ACOX2: variants seen among roughly 807,000 people sequenced by gnomAD.
The protein encoded by ACOX2 is acyl-CoA oxidase 2, also known as peroxisomal acyl-coenzyme A oxidase 2.
A neutral mutation model predicts 77.5 loss-of-function variants in ACOX2; 59 were observed. The observed-to-expected ratio is 0.76, with a 90% CI of 0.62 to 0.95. The LOEUF (loss-of-function observed/expected upper bound fraction) is 0.95. Ranked by LOEUF, ACOX2 falls within the 40% of genes least tolerant of loss-of-function variation. The pLI is 0.00. For synonymous variants in ACOX2, 317 were observed against 340.1 expected (o/e 0.93, Z 0.75); for missense variants, 837 against 880.4 (o/e 0.95, Z 0.62).
In ACOX2 at chr3:58,519,486, C is replaced by T. The variant is rs1348434595; in HGVS notation, c.1633-2063G>A. On this transcript the variant is annotated intron_variant, in intron 12 of 14. Coordinates refer to ENST00000302819, the MANE Select transcript of ACOX2 (RefSeq NM_003500.4). The surrounding 1 kb of genome is among the most constrained non-coding windows in gnomAD (Gnocchi z 5.0). ...CAGGGGGAGCTTTATGTGCAAAAGGCTGTACTTTCAGGAAGCTGCAGGCAA... is the reference window on the plus strand; with the variant it reads ...CAGGGGGAGCTTTATGTGCAAAAGGTTGTACTTTCAGGAAGCTGCAGGCAA... Among the ~76,000 whole-genome samples the T allele has an allele frequency of 6.6e-6, 1 of 152,066 alleles. No homozygotes were observed. Among genetic ancestry groups the T allele is most frequent in the Admixed American group, 6.5e-5 (1 of 15,276 alleles).
Position 58,526,698 on chromosome 3 carries a change from T to C in ACOX2, c.1156-42A>G, listed in dbSNP as rs11553928. ...GGGGGTTGGGCGGTGTTAGGGGGCC[T>C]CCACCATAGGGACCAACCCTGTGCA... is the stretch of plus-strand genomic sequence containing the variant. On this transcript the variant is annotated intron_variant, in intron 9 of 14. Transcript: ENST00000302819. This position sits in a 1 kb window ranked among gnomAD's most constrained non-coding sequence, Gnocchi z 4.3. 1.3e-6 allele frequency: 2 copies of C among 1,595,638 alleles called. No homozygotes were observed. Among genetic ancestry groups the C allele is most frequent in the African/African-American group, 1.3e-5 (1 of 74,734 alleles).
intron 13 of ACOX2, among the ~76,000 whole-genome samples, 187 bp from the exon 14 acceptor site, chr3:58,509,212 T>C (rs548948332): frequency 1.3e-5 from 2 of 149,778 alleles, no homozygotes; most frequent in South Asian, 4.2e-4. Context: ...AGTCAAAGGG[T>C]TCCGTAAGGC....
rs544253042 is a variant in ACOX2 at position 58,515,213 on chromosome 3, G to T, written c.1850+1993C>A. 6.6e-6 allele frequency among the ~76,000 whole-genome samples: 1 copy of T among 152,224 alleles called. No homozygotes were observed. Among genetic ancestry groups the T allele is most frequent in the South Asian group, 2.1e-4 (1 of 4,824 alleles). On this transcript the variant is annotated intron_variant, in intron 13 of 14. Coordinates refer to ENST00000302819, the MANE Select transcript of ACOX2 (RefSeq NM_003500.4). The surrounding 1 kb of genome is among the most constrained non-coding windows in gnomAD (Gnocchi z 4.0). Reference sequence around the variant, plus strand: ...TTTTTGTATTTTTAGTAGAGACCGGGTTTCACCATGTTGGCCAGGCTGGCC... The same window carrying T: ...TTTTTGTATTTTTAGTAGAGACCGGTTTTCACCATGTTGGCCAGGCTGGCC...
At position 58,512,897 on chromosome 3, in the gene ACOX2, G is replaced by A. The variant is rs766195022; in HGVS notation, c.1851-3872C>T. Among the ~76,000 whole-genome samples, 7 of 152,218 alleles carry A rather than the reference G, an allele frequency of 4.6e-5. 1 individual carries two copies. Among genetic ancestry groups the A allele is most frequent in the Admixed American group, 3.3e-4 (5 of 15,280 alleles). ...GGCTATACCATTTAGGCTTGTGTAA[G>A]TACACTCTGTGATGTTCACATGATG... On this transcript the variant is annotated intron_variant, in intron 13 of 14. Transcript: ENST00000302819. The surrounding 1 kb of genome is among the most constrained non-coding windows in gnomAD (Gnocchi z 4.8).
In ACOX2 at chr3:58,531,826, G is replaced by C; in HGVS notation, c.584-14C>G. The C allele has an allele frequency of 6.2e-7, 1 of 1,610,294 alleles. No homozygotes were observed. Among genetic ancestry groups the C allele is most frequent in the Non-Finnish European group, 8.5e-7 (1 of 1,178,510 alleles). On this transcript the variant is annotated splice_polypyrimidine_tract_variant and intron_variant, in intron 5 of 14. Coordinates refer to ENST00000302819, the MANE Select transcript of ACOX2 (RefSeq NM_003500.4). This position sits in a 1 kb window ranked among gnomAD's most constrained non-coding sequence, Gnocchi z 5.8. The stretch of plus-strand genomic sequence containing the variant: ...CTGACCGTCCCACTGAGGGCAGAGA[G>C]AGTAGCGGCCCGTCACAGGAAGACC...
In ACOX2 at chr3:58,534,399, C is replaced by T; in HGVS notation, c.284G>A (p.Gly95Asp). 1 of 1,614,200 alleles carries T rather than the reference C, an allele frequency of 6.2e-7. No individual in the cohort carries two copies. The highest frequency in any genetic ancestry group is 8.5e-7 in the Non-Finnish European group (1 of 1,180,030). The change falls in exon 3 of 15, where the codon GGT (glycine) becomes GAT (aspartate). Residue 95 changes from glycine (G) to aspartate (D), a missense_variant. By Grantham distance (94) the Gly-to-Asp change is moderately conservative. Transcript: ENST00000302819. The surrounding 1 kb of genome is among the most constrained non-coding windows in gnomAD (Gnocchi z 4.8). ...FHIRLIARRL[G>D]WLEDGRELGY... ...TAATTCACGACCATCTTCTAACCAA[C>T]CCAGGCGCCGAGCTATCAACCGGAT...
chr3:58,524,507 A>G lies in ACOX2; in HGVS notation c.1445T>C (p.Leu482Pro). The change falls in exon 11 of 15, where the codon CTG becomes CCG. Residue 482 changes from leucine (L) to proline (P), a missense_variant. Coordinates refer to ENST00000302819, the MANE Select transcript of ACOX2 (RefSeq NM_003500.4). This position sits in a 1 kb window ranked among gnomAD's most constrained non-coding sequence, Gnocchi z 5.5. ...TGCCCTCTGGGCTGGACACCTGGCC[A>G]GGTCAGGTGCGGTGAGATATGCGAC... ...PSVAYLTAPD[L>P]ARCPAQRAAD... 6.2e-7 allele frequency: 1 copy of G among 1,614,184 alleles called. No individual in the cohort carries two copies. The highest frequency in any genetic ancestry group is 8.5e-7 in the Non-Finnish European group (1 of 1,180,024).
rs775529016 is a variant in ACOX2 at position 58,514,822 on chromosome 3, G to A, written c.1850+2384C>T. On this transcript the variant is annotated intron_variant, in intron 13 of 14. Coordinates refer to ENST00000302819, the MANE Select transcript of ACOX2 (RefSeq NM_003500.4). The surrounding 1 kb of genome is among the most constrained non-coding windows in gnomAD (Gnocchi z 4.3). ...TTGTATTTTATCATCACTGACAACC[G>A]GGGCTAGAACATTATTTTCAAGTGC... 6.6e-6 allele frequency among the ~76,000 whole-genome samples: 1 copy of A among 152,102 alleles called. No individual in the cohort carries two copies. The highest frequency in any genetic ancestry group is 1.5e-5 in the Non-Finnish European group (1 of 68,014).
intron 12 of ACOX2, among the ~76,000 whole-genome samples, chr3:58,518,612 G>C (rs1576991905): frequency 6.6e-6 from 1 of 152,180 alleles, no homozygotes; most frequent in Non-Finnish European, 1.5e-5. Flanking sequence ...GCAAGGAAGA[G>C]AGAAAGTATA....
chr3:58,521,700 C>T lies in ACOX2; in HGVS notation c.1632+796G>A, dbSNP rs184916959. ...AAAGGCATTGCAATGAAAACAAAAC[C>T]CCAACTTTTCACAGTGGTGCAAAAG... On this transcript the variant is annotated intron_variant, in intron 12 of 14. Transcript: ENST00000302819. This position sits in a 1 kb window ranked among gnomAD's most constrained non-coding sequence, Gnocchi z 4.8. Among the ~76,000 whole-genome samples, 1 of 152,322 alleles carries T rather than the reference C, an allele frequency of 6.6e-6. No homozygotes were observed. Among genetic ancestry groups the T allele is most frequent in the Non-Finnish European group, 1.5e-5 (1 of 68,034 alleles).
In ACOX2 at chr3:58,535,800, C is replaced by T. The variant is rs186846542; in HGVS notation, c.-91-603G>A. 2.0e-5 allele frequency among the ~76,000 whole-genome samples: 3 copies of T among 152,298 alleles called. No individual in the cohort carries two copies. In the East Asian group the frequency reaches 5.8e-4, roughly 29 times the overall value. ...CTTTCATACCCAGGTTGGACCCTGT[C>T]TCCTTCATGGCAAGTGCTTGGCCTC... On this transcript the variant is annotated intron_variant, in intron 1 of 14. Coordinates refer to ENST00000302819, the MANE Select transcript of ACOX2 (RefSeq NM_003500.4). The surrounding 1 kb of genome is among the most constrained non-coding windows in gnomAD (Gnocchi z 4.8).
At position 58,535,261 on chromosome 3, in the gene ACOX2, A is replaced by C; in HGVS notation, c.-91-64T>G. The C allele has an allele frequency of 2.3e-6, 2 of 865,598 alleles. No individual in the cohort carries two copies. Among genetic ancestry groups the C allele is most frequent in the Non-Finnish European group, 3.6e-6 (2 of 549,276 alleles). 53.6% of individuals were successfully genotyped at this position (865,598 alleles called of 1,614,324 possible). ...CAGGGCTGGTTGGTAGAAGAAAGAC[A>C]TCCCTAAGTACCTGAATGCCACTCC... On this transcript the variant is annotated intron_variant, in intron 1 of 14. Transcript: ENST00000302819. The surrounding 1 kb of genome is among the most constrained non-coding windows in gnomAD (Gnocchi z 4.8).
chr3:58,533,558 G>A lies in ACOX2; in HGVS notation c.476-6C>T, dbSNP rs1270322649. The A allele has an allele frequency of 6.2e-7, 1 of 1,613,584 alleles. No homozygotes were observed. The highest frequency in any genetic ancestry group is 8.5e-7 in the Non-Finnish European group (1 of 1,179,654). Reference sequence around the variant, plus strand: ...CAGGCCCTGAAGATATGTCCCTTAGGATCAAGGAGAGGTGTTAGACATTGG... The same window carrying A: ...CAGGCCCTGAAGATATGTCCCTTAGAATCAAGGAGAGGTGTTAGACATTGG... On this transcript the variant is annotated splice_polypyrimidine_tract_variant and splice_region_variant and intron_variant, in intron 4 of 14. Coordinates refer to ENST00000302819, the MANE Select transcript of ACOX2 (RefSeq NM_003500.4). The surrounding 1 kb of genome is among the most constrained non-coding windows in gnomAD (Gnocchi z 5.6).
Position 58,526,772 on chromosome 3 carries a change from G to A in ACOX2, c.1156-116C>T. 8.8e-7 allele frequency: 1 copy of A among 1,132,206 alleles called. No individual in the cohort carries two copies. The highest frequency in any genetic ancestry group is 1.6e-5 in the South Asian group (1 of 64,020). The allele number at this position is 1,132,206 out of a possible 1,614,324, so 70.1% of individuals were successfully genotyped here. ...GCCCAGCTCAGCTCTGAGGTAAGAA[G>A]TGTTTCCTCTGCTCACAACTTTATG... On this transcript the variant is annotated intron_variant, in intron 9 of 14. Coordinates refer to ENST00000302819, the MANE Select transcript of ACOX2 (RefSeq NM_003500.4). The surrounding 1 kb of genome is among the most constrained non-coding windows in gnomAD (Gnocchi z 4.3).
In ACOX2 at chr3:58,535,643, G is replaced by C. The variant is rs141081842; in HGVS notation, c.-91-446C>G. 2.0e-4 allele frequency among the ~76,000 whole-genome samples: 31 copies of C among 152,208 alleles called. No individual in the cohort carries two copies. The East Asian group carries it at 5.6e-3, about 28-fold the overall frequency. On this transcript the variant is annotated intron_variant, in intron 1 of 14. Coordinates refer to ENST00000302819, the MANE Select transcript of ACOX2 (RefSeq NM_003500.4). This position sits in a 1 kb window ranked among gnomAD's most constrained non-coding sequence, Gnocchi z 4.8. ...GTGGAGGATTGCTGGGGGCACCTTG[G>C]TCTCATTAAACTGCTCATAAGTTCT... is the stretch of plus-strand genomic sequence containing the variant.
At chr3:58,506,152 G>A (rs1193972733) in intron 14 of ACOX2, among the ~76,000 whole-genome samples, 2 of 152,152 alleles carry the variant, frequency 1.3e-5, no homozygotes, top group African/African-American at 4.8e-5. Flanking sequence ...TTGGCACAAA[G>A]TATGTACTTA....
At position 58,535,013 on chromosome 3, in the gene ACOX2, C is replaced by G; in HGVS notation, c.94G>C (p.Asp32His). Residue 32 changes from aspartate (D) to histidine (H), a missense_variant, in exon 2 of 15, where the codon GAC becomes CAC. Coordinates refer to ENST00000302819, the MANE Select transcript of ACOX2 (RefSeq NM_003500.4). The surrounding 1 kb of genome is among the most constrained non-coding windows in gnomAD (Gnocchi z 4.8). ...IESERYMQSF[D>H]VERLTNILDG... is the part of the protein sequence containing the mutation. ...AGGATGTTGGTGAGCCGTTCCACGT[C>G]AAAGGACTGCATATACCTCTCGCTC... 1 of 1,614,234 alleles carries G rather than the reference C, an allele frequency of 6.2e-7. No homozygotes were observed.
intron 13 of ACOX2, among the ~76,000 whole-genome samples, chr3:58,516,370 T>G (rs2107993346): frequency 6.6e-6 from 1 of 152,332 alleles, no homozygotes; most frequent in African/African-American, 2.4e-5. Flanking sequence ...GACCTGAGAT[T>G]GTACCCAGCC....
rs1314617774 is a variant in ACOX2, at chr3:58,512,132, C to T, written c.1851-3107G>A. On this transcript the variant is annotated intron_variant, in intron 13 of 14. Transcript: ENST00000302819. The surrounding 1 kb of genome is among the most constrained non-coding windows in gnomAD (Gnocchi z 4.8). ...AAAGTAATGTATCTGAACCCAAACT[C>T]CTTCCCGTCCACCCTGCCCAAACCT... Among the ~76,000 whole-genome samples the T allele has an allele frequency of 6.6e-6, 1 of 152,214 alleles. No individual in the cohort carries two copies. Among genetic ancestry groups the T allele is most frequent in the African/African-American group, 2.4e-5 (1 of 41,446 alleles).
Sources: gnomAD v4.1 joint callset for allele counts (sites outside exome capture counted in the v4.1 genomes callset) on GRCh38, gnomAD v4.1.1 for gene constraint, Gnocchi (gnomAD v3.1) non-coding constraint, MANE v1.5 for transcripts, NCBI Gene and HGNC (gene_info 2026-07-23, HGNC 2026-07-21) for gene names.